The following AP2B1 variants were observed in gnomAD, a reference collection of about 807,000 sequenced individuals.
The protein encoded by AP2B1 is adaptor related protein complex 2 subunit beta 1, also known as AP-2 complex subunit beta.
Under a neutral mutation model 102.0 loss-of-function variants are expected in AP2B1, and 23 were observed. That is an observed-to-expected ratio of 0.23 (90% CI 0.16 to 0.32). The LOEUF is 0.32. Among genes scored for constraint, AP2B1 ranks in the 10% least tolerant of loss-of-function variants. The probability of loss-of-function intolerance (pLI) is 1.00; values close to 1 mark genes in which losing one functional copy is unlikely to be tolerated. For missense variants in AP2B1, 541 were observed against 1,157.4 expected, an observed-to-expected ratio of 0.47 and a Z score of 7.73; for synonymous variants, 381 against 421.2, an observed-to-expected ratio of 0.90 and a Z score of 1.17.
intron 13 of AP2B1, among the ~76,000 whole-genome samples, chr17:35,653,780 T>C (rs1473629262): frequency 1.3e-5 from 2 of 152,058 alleles, no homozygotes; most frequent in African/African-American, 4.8e-5. Flanking sequence ...CCGGCTGGAA[T>C]ATGAACAGGT....
intron 5 of AP2B1, among the ~76,000 whole-genome samples, chr17:35,613,019 A>C (rs1206808747): frequency 6.9e-6 from 1 of 144,586 alleles, no homozygotes; most frequent in Non-Finnish European, 1.5e-5. Context: ...TGAAAGATAC[A>C]AAAAAAAAAG....
intron 4 of AP2B1, 22 bp from the exon 5 acceptor site, chr17:35,608,120 T>A: frequency 6.2e-7 from 1 of 1,611,912 alleles, no homozygotes; most frequent in Middle Eastern, 2.1e-4. Context: ...TACCTACAGT[T>A]GTTGGTGATT....
In AP2B1 at chr17:35,725,369, G is replaced by A. The variant is rs1378901842; in HGVS notation, c.*1670G>A. ...GGCTCCACAGGCGTCATGTTGGACT[G>A]AGACCTAACTCACTGGACTCAGAGG... On this transcript the variant is annotated 3_prime_UTR_variant, in exon 22 of 22. Transcript: ENST00000610402. 2 of 152,198 alleles carry A rather than the reference G, an allele frequency of 1.3e-5. No individual in the cohort carries two copies. The highest frequency in any genetic ancestry group is 4.8e-5 in the African/African-American group (2 of 41,436). 9.4% of individuals were successfully genotyped at this position (152,198 alleles called of 1,614,324 possible). A position where few individuals can be genotyped will look rare whatever the true frequency, so the allele number is the denominator to read the frequency against.
At position 35,701,602 on chromosome 17, in the gene AP2B1, G is replaced by T. The variant is rs115046111; in HGVS notation, c.2455-7622G>T. ...AATGTGAGAAGTACTGTGCTTTTGGGACTTGTTTGTTCGTTTGTGAGACAG... is the reference window on the plus strand; with the variant it reads ...AATGTGAGAAGTACTGTGCTTTTGGTACTTGTTTGTTCGTTTGTGAGACAG... On this transcript the variant is annotated intron_variant, in intron 18 of 21. Coordinates refer to ENST00000610402, the MANE Select transcript of AP2B1 (RefSeq NM_001030006.2). Among the ~76,000 whole-genome samples the T allele has an allele frequency of 4.6e-3, 705 of 152,132 alleles. 1 individual carries two copies. The highest frequency in any genetic ancestry group is 0.016 in the African/African-American group (668 of 41,498).
intron 3 of AP2B1, among the ~76,000 whole-genome samples, chr17:35,601,374 G>A (rs754833380): frequency 9.2e-5 from 14 of 152,100 alleles, no homozygotes; most frequent in Non-Finnish European, 1.9e-4. Context: ...CCATCACTCA[G>A]GCTGGAGTGC....
chr17:35,627,260 TTTTTTTTTTG>T, intron 7 of AP2B1, 115 bp from the exon 8 acceptor site: 2 of 463,098 alleles, frequency 4.3e-6, no homozygotes, highest in Non-Finnish European at 3.2e-6. Flanking sequence ...TTTTTTTTTT[TTTTTTTTTTG>T]CCTGAGTGGA....
intron 13 of AP2B1, among the ~76,000 whole-genome samples, chr17:35,657,123 G>A (rs756407836): frequency 3.3e-5 from 5 of 152,074 alleles, no homozygotes; most frequent in African/African-American, 7.2e-5. Context: ...AATCAGCACC[G>A]TTGATTTTGT....
intron 20 of AP2B1, chr17:35,713,831 T>A (rs1448124127): frequency 2.6e-5 from 4 of 152,184 alleles, no homozygotes; most frequent in African/African-American, 7.2e-5. Context: ...CCGCTAATTG[T>A]GTTAAGTACT....
intron 3 of AP2B1, among the ~76,000 whole-genome samples, chr17:35,603,333 C>T (rs2073553533): frequency 6.6e-6 from 1 of 152,110 alleles, no homozygotes; most frequent in African/African-American, 2.4e-5. Flanking sequence ...AGATTTATTG[C>T]TAACTTCCCA....
chr17:35,722,007 G>A (rs587651722), intron 21 of AP2B1, among the ~76,000 whole-genome samples: 1 of 152,270 alleles, frequency 6.6e-6, no homozygotes, highest in East Asian at 1.9e-4. Flanking sequence ...TTGGGAGGCC[G>A]AGGTGGGTGG....
Position 35,657,638 on chromosome 17 carries a change from A to G in AP2B1, c.1836A>G (p.Ala612=), listed in dbSNP as rs767908671. The change falls in exon 14 of 22, where the codon GCA becomes GCG. Residue 612 remains alanine (A), a synonymous_variant. Transcript: ENST00000610402. ...ACAGCCCTGTTGGCACTACCACTGCAACGAACCTGGAACAGCCTCAGGTTA... is the reference window on the plus strand; with the variant it reads ...ACAGCCCTGTTGGCACTACCACTGCGACGAACCTGGAACAGCCTCAGGTTA... ...AGDSPVGTTT[A]TNLEQPQVIP... The G allele has an allele frequency of 2.5e-6, 4 of 1,614,074 alleles. No individual in the cohort carries two copies. Among genetic ancestry groups the G allele is most frequent in the Admixed American group, 3.3e-5 (2 of 60,020 alleles).
intron 3 of AP2B1, among the ~76,000 whole-genome samples, chr17:35,605,492 C>T (rs1221644501): frequency 6.6e-6 from 1 of 152,180 alleles, no homozygotes; most frequent in African/African-American, 2.4e-5. Context: ...TCAGGTGATC[C>T]GCCTGCCTTG....
At chr17:35,682,334 C>CTTTT (rs587645888) in intron 17 of AP2B1, among the ~76,000 whole-genome samples, 22 of 72,074 alleles carry the variant, frequency 3.1e-4, no homozygotes, top group African/African-American at 4.7e-4. Flanking sequence ...AATCCTGCCT[C>CTTTT]TTTTTTTTTT....
At chr17:35,682,467 C>G (rs1340161609) in intron 17 of AP2B1, among the ~76,000 whole-genome samples, 1 of 151,140 alleles carries the variant, frequency 6.6e-6, no homozygotes, top group African/African-American at 2.4e-5. Flanking sequence ...CTCAGCCTCC[C>G]AAGTAGCTGG....
In AP2B1 at chr17:35,661,661, T is replaced by C. The variant is rs1447362357; in HGVS notation, c.1989+3870T>C. 2.6e-5 allele frequency among the ~76,000 whole-genome samples: 4 copies of C among 152,236 alleles called. No individual in the cohort carries two copies. In the East Asian group the frequency reaches 7.7e-4, roughly 29 times the overall value. ...TTTTATCCTTGCTTACTTGCCATAA[T>C]TGGAGACCGAAAATTGAGGGCATTT... is the stretch of plus-strand genomic sequence containing the variant. On this transcript the variant is annotated intron_variant, in intron 14 of 21. Coordinates refer to ENST00000610402, the MANE Select transcript of AP2B1 (RefSeq NM_001030006.2).
At chr17:35,636,786 A>G (rs987463420) in intron 10 of AP2B1, among the ~76,000 whole-genome samples, 2 of 152,242 alleles carry the variant, frequency 1.3e-5, no homozygotes, top group South Asian at 2.1e-4. Flanking sequence ...CTCAGTTTAT[A>G]CCTGTTATCC....
At chr17:35,663,319 G>GTTC (rs1266632711) in intron 14 of AP2B1, among the ~76,000 whole-genome samples, 2 of 152,170 alleles carry the variant, frequency 1.3e-5, no homozygotes, top group African/African-American at 4.8e-5. Context: ...TAATTTCTGA[G>GTTC]TTCTAGTCCC....
chr17:35,709,128 G>T, intron 18 of AP2B1, 96 bp from the exon 19 acceptor site: 2 of 1,047,886 alleles, frequency 1.9e-6, no homozygotes, highest in South Asian at 1.3e-5. Context: ...AAAGAGGAAG[G>T]AAATAGGGAG....
At chr17:35,615,360 G>A (rs1364482773) in intron 5 of AP2B1, among the ~76,000 whole-genome samples, 3 of 152,170 alleles carry the variant, frequency 2.0e-5, no homozygotes, top group Non-Finnish European at 1.5e-5. Flanking sequence ...TTAATAAACT[G>A]CAGCTATTCT....
Sources: gnomAD v4.1 joint callset for allele counts (sites outside exome capture counted in the v4.1 genomes callset) on GRCh38, gnomAD v4.1.1 for gene constraint, MANE v1.5 for transcripts, NCBI Gene and HGNC (gene_info 2026-07-23, HGNC 2026-07-21) for gene names.